Variants in CREB5 observed in about 807,000 individuals in gnomAD.
CREB5 encodes the protein cyclic AMP-responsive element-binding protein 5.
Under a neutral mutation model 57.1 loss-of-function variants are expected in CREB5, and 19 were observed. That is an observed-to-expected ratio of 0.33 (90% confidence interval 0.23 to 0.49). CREB5 has a LOEUF of 0.49. Among genes scored for constraint, CREB5 ranks in the 20% least tolerant of loss-of-function variants. The probability of loss-of-function intolerance (pLI) is 0.99; values close to 1 mark genes in which losing one functional copy is unlikely to be tolerated. For synonymous variants in CREB5, 238 were observed against 238.3 expected (o/e 1.00, Z 0.01); for missense variants, 579 against 671.6 (o/e 0.86, Z 1.52).
intron 5 of CREB5, among the ~76,000 whole-genome samples, chr7:28,605,148 C>T (rs1440443123): frequency 1.3e-5 from 2 of 152,122 alleles, no homozygotes; most frequent in African/African-American, 4.8e-5. Flanking sequence ...AAATGACTTA[C>T]GTAGAGAAGA....
intron 1 of CREB5, among the ~76,000 whole-genome samples, chr7:28,449,044 A>G (rs1265491322): frequency 1.3e-5 from 2 of 152,152 alleles, no homozygotes; most frequent in Non-Finnish European, 2.9e-5. Context: ...CTTTTTTAAA[A>G]TGGCATTTGC....
At chr7:28,405,550 C>T (rs1252898668) in intron 1 of CREB5, among the ~76,000 whole-genome samples, 2 of 152,070 alleles carry the variant, frequency 1.3e-5, no homozygotes, top group East Asian at 3.9e-4. Flanking sequence ...GTAGCTGAGA[C>T]CACAGGTGCA....
chr7:28,465,666 G>A (rs900422592), intron 1 of CREB5, among the ~76,000 whole-genome samples: 2 of 151,910 alleles, frequency 1.3e-5, no homozygotes, highest in African/African-American at 4.8e-5. Context: ...GGCCAAATAA[G>A]GGAAAAAAGT....
chr7:28,410,382 C>G (rs1380739216), upstream of CREB5: 1 of 456,612 alleles, frequency 2.2e-6, no homozygotes, highest in Non-Finnish European at 4.4e-6. Context: ...GACCTGGCGG[C>G]GGAGTCTCCC....
intron 5 of CREB5, among the ~76,000 whole-genome samples, chr7:28,580,831 T>C (rs1429394281): frequency 6.6e-6 from 1 of 152,182 alleles, no homozygotes; most frequent in Admixed American, 6.5e-5. Flanking sequence ...TGCTTCAACA[T>C]GTTTGGACGA....
chr7:28,811,066 G>GTCTC (rs1387680903), intron 9 of CREB5, among the ~76,000 whole-genome samples: 1 of 152,154 alleles, frequency 6.6e-6, no homozygotes, highest in African/African-American at 2.4e-5. Flanking sequence ...GATTGGGACT[G>GTCTC]TCTCTTACTA....
chr7:28,724,958 A>T (rs1409729931), intron 7 of CREB5, among the ~76,000 whole-genome samples: 1 of 152,240 alleles, frequency 6.6e-6, no homozygotes, highest in African/African-American at 2.4e-5. Context: ...ACCAAATATT[A>T]GCAAAACCAA....
intron 1 of CREB5, among the ~76,000 whole-genome samples, chr7:28,397,332 G>A (rs1787357970): frequency 6.6e-6 from 1 of 152,170 alleles, no homozygotes; most frequent in African/African-American, 2.4e-5. Flanking sequence ...CTGTATTCCA[G>A]AAGGATCTAT....
intron 7 of CREB5, among the ~76,000 whole-genome samples, chr7:28,776,479 A>T (rs1424381931): frequency 6.6e-6 from 1 of 152,062 alleles, no homozygotes; most frequent in Non-Finnish European, 1.5e-5. Flanking sequence ...TCTGCTTTTT[A>T]TTTGGAGGAA....
At chr7:28,458,343 A>G (rs1056460647) in intron 1 of CREB5, among the ~76,000 whole-genome samples, 1 of 152,204 alleles carries the variant, frequency 6.6e-6, no homozygotes, top group African/African-American at 2.4e-5. Context: ...TACAATTTCT[A>G]AAAAAGATAG....
chr7:28,800,258 A>T (rs1808285096), intron 7 of CREB5, among the ~76,000 whole-genome samples: 1 of 152,200 alleles, frequency 6.6e-6, no homozygotes. Flanking sequence ...AAGAAAGGGG[A>T]TGTCTGAAGT....
chr7:28,804,069 C>A, intron 7 of CREB5, 130 bp from the exon 8 acceptor site: 1 of 796,516 alleles, frequency 1.3e-6, no homozygotes, highest in Non-Finnish European at 2.0e-6. Context: ...AAGATAGCTA[C>A]TGGTAGGAAA....
chr7:28,393,776 T>A (rs543136923), intron 1 of CREB5, among the ~76,000 whole-genome samples: 1 of 152,186 alleles, frequency 6.6e-6, no homozygotes, highest in East Asian at 1.9e-4. Context: ...AATGGTGTAG[T>A]GTTAAAGTGG....
chr7:28,512,655 G>GTT (rs5883143), intron 4 of CREB5, among the ~76,000 whole-genome samples: 58 of 152,078 alleles, frequency 3.8e-4, no homozygotes, highest in South Asian at 3.7e-3. Flanking sequence ...AACTGTGTGT[G>GTT]TGTGTGTGTG....
chr7:28,811,695 T>C (rs1809130744), intron 9 of CREB5, among the ~76,000 whole-genome samples: 1 of 152,204 alleles, frequency 6.6e-6, no homozygotes, highest in South Asian at 2.1e-4. Context: ...TTAATAATCA[T>C]ATTTTAATTT....
chr7:28,607,782 TG>T lies in CREB5; in HGVS notation c.464+37246del, dbSNP rs1562524703. Among the ~76,000 whole-genome samples the T allele has an allele frequency of 5.9e-5, 7 of 119,314 alleles. No homozygotes were observed. The South Asian group carries it at 1.9e-3, about 33-fold the overall frequency. 78.3% of individuals were successfully genotyped at this position (119,314 alleles called of 152,430 possible). On this transcript the variant is annotated intron_variant, in intron 5 of 10. Transcript: ENST00000357727. ...GTGTGTGTGTGTGTGTGTGTGTGTG[TG>T]TGTGTGTGTGTTTTACCATGTGCAT...
At chr7:28,429,009 G>A (rs913325139) in intron 1 of CREB5, among the ~76,000 whole-genome samples, 6 of 152,116 alleles carry the variant, frequency 3.9e-5, no homozygotes, top group Admixed American at 3.3e-4. Flanking sequence ...TTCCTTGTGT[G>A]ATGTTTAGTT....
chr7:28,510,058 T>C (rs1385354959), intron 4 of CREB5, among the ~76,000 whole-genome samples: 2 of 152,150 alleles, frequency 1.3e-5, no homozygotes, highest in East Asian at 3.9e-4. Context: ...AAGACGGCTG[T>C]GTTGGTGGCT....
At chr7:28,620,347 G>A (rs550485766) in intron 5 of CREB5, among the ~76,000 whole-genome samples, 1 of 152,130 alleles carries the variant, frequency 6.6e-6, no homozygotes, top group Non-Finnish European at 1.5e-5. Flanking sequence ...CCATTTGGAA[G>A]AGGGGGGTGC....
Sources: allele counts gnomAD v4.1 joint callset (sites outside exome capture counted in the v4.1 genomes callset), GRCh38; gene constraint gnomAD v4.1.1; transcripts MANE v1.5; gene names NCBI Gene and HGNC (gene_info 2026-07-23, HGNC 2026-07-21).